Variants in GPHN observed in about 807,000 individuals in gnomAD.
The protein encoded by GPHN is gephyrin.
In GPHN, 17 loss-of-function variants were observed where a neutral mutation model predicts 95.5. The ratio of observed to expected loss-of-function variants is 0.18; its 90% CI spans 0.12 to 0.27. The LOEUF (loss-of-function observed/expected upper bound fraction) is 0.27, where lower values mean the gene tolerates loss of function less well. Among genes scored for constraint, GPHN ranks in the 10% least tolerant of loss-of-function variants. GPHN has a pLI of 1.00. For synonymous variants in GPHN, 320 were observed against 322.5 expected (o/e 0.99, Z 0.08); for missense variants, 660 against 978.1 (o/e 0.67, Z 4.34).
At chr14:66,861,052 T>A (rs1416413985) in intron 4 of GPHN, among the ~76,000 whole-genome samples, 1 of 151,950 alleles carries the variant, frequency 6.6e-6, no homozygotes, top group East Asian at 1.9e-4. Flanking sequence ...TAACATTGAA[T>A]TATAAATGGA....
chr14:67,339,317 A>T, the GPHN span, among the ~76,000 whole-genome samples: 1 of 152,098 alleles, frequency 6.6e-6, no homozygotes, highest in African/African-American at 2.4e-5. Context: ...TATTAGGTTA[A>T]ATTTTGAAAT....
the GPHN span, chr14:67,585,782 C>T: frequency 1.0e-6 from 1 of 995,242 alleles, no homozygotes; most frequent in Admixed American, 2.3e-5. Flanking sequence ...TGCCCAAGCA[C>T]CAGTCCTCTA....
chr14:67,694,569 C>A, the GPHN span, among the ~76,000 whole-genome samples: 1 of 144,040 alleles, frequency 6.9e-6, no homozygotes. Context: ...ATTTTCAGTT[C>A]TGGTTCAACT....
At chr14:67,529,593 G>A in the GPHN span, among the ~76,000 whole-genome samples, 1 of 152,040 alleles carries the variant, frequency 6.6e-6, no homozygotes, top group Non-Finnish European at 1.5e-5. Flanking sequence ...TTTAGCCACT[G>A]GGCCATTTCC....
At chr14:66,621,198 A>T (rs1214718004) in intron 1 of GPHN, among the ~76,000 whole-genome samples, 2 of 145,772 alleles carry the variant, frequency 1.4e-5, no homozygotes, top group Non-Finnish European at 3.0e-5. Flanking sequence ...GGTGGTCTCG[A>T]TTTCCTGACC....
intron 9 of GPHN, chr14:66,996,159 TC>T (rs1398869841): frequency 1.3e-6 from 2 of 1,524,098 alleles, no homozygotes; most frequent in South Asian, 1.2e-5. Flanking sequence ...TGTTTTCTTT[TC>T]CCCACTGCAA....
chr14:67,202,889 C>T, the GPHN span, among the ~76,000 whole-genome samples: 1 of 152,122 alleles, frequency 6.6e-6, no homozygotes, highest in Non-Finnish European at 1.5e-5. Flanking sequence ...TTAATGTTTG[C>T]CTTCCCTGGT....
At chr14:67,070,715 A>AAAAAAAAAAAAAAATATATATATAT in intron 11 of GPHN, among the ~76,000 whole-genome samples, 20 of 80,668 alleles carry the variant, frequency 2.5e-4, no homozygotes, top group African/African-American at 6.3e-4. Flanking sequence ...AAAAAAAAAA[A>AAAAAAAAAAAAAAATATATATATAT]ATATATATAT....
chr14:67,040,487 T>C (rs1376116107), intron 10 of GPHN, among the ~76,000 whole-genome samples: 1 of 152,192 alleles, frequency 6.6e-6, no homozygotes, highest in Non-Finnish European at 1.5e-5. Context: ...AATACTATTA[T>C]GTAATCTTAT....
At chr14:67,730,352 T>G in the GPHN span, among the ~76,000 whole-genome samples, 2 of 152,170 alleles carry the variant, frequency 1.3e-5, no homozygotes, top group African/African-American at 2.4e-5. Flanking sequence ...TAGTCCAGAT[T>G]GAGATGCACT....
At chr14:67,465,986 G>T in the GPHN span, among the ~76,000 whole-genome samples, 1 of 152,182 alleles carries the variant, frequency 6.6e-6, no homozygotes, top group East Asian at 1.9e-4. Flanking sequence ...CTCCCCTAAA[G>T]CCTCAGAGGA....
At chr14:66,809,528 C>T (rs961744595) in intron 3 of GPHN, among the ~76,000 whole-genome samples, 1 of 152,082 alleles carries the variant, frequency 6.6e-6, no homozygotes, top group Non-Finnish European at 1.5e-5. Context: ...TTCACTTAGA[C>T]AGCTTCTTAA....
At chr14:67,293,073 G>A in the GPHN span, among the ~76,000 whole-genome samples, 1 of 152,142 alleles carries the variant, frequency 6.6e-6, no homozygotes, top group East Asian at 1.9e-4. Context: ...ATACTGATGA[G>A]ATAATTATAA....
intron 1 of GPHN, among the ~76,000 whole-genome samples, chr14:66,659,949 T>A (rs994151421): frequency 6.6e-6 from 1 of 152,100 alleles, no homozygotes; most frequent in East Asian, 1.9e-4. Context: ...CCCACTGTAT[T>A]TCTTGTATTT....
At chr14:66,883,949 G>T (rs183901052) in intron 5 of GPHN, among the ~76,000 whole-genome samples, 55 of 152,140 alleles carry the variant, frequency 3.6e-4, no homozygotes, top group Non-Finnish European at 5.7e-4. Context: ...TTCTTTTCAA[G>T]AATTTTCCCC....
At chr14:67,182,662 G>C (rs557693465), downstream of GPHN, among the ~76,000 whole-genome samples, 35 of 152,156 alleles carry the variant, frequency 2.3e-4, no homozygotes, top group South Asian at 5.0e-3. Context: ...ATAGGGCAGA[G>C]CACCTGACCT....
At chr14:67,249,594 A>G in the GPHN span, among the ~76,000 whole-genome samples, 2 of 152,242 alleles carry the variant, frequency 1.3e-5, no homozygotes, top group African/African-American at 2.4e-5. Flanking sequence ...AGTATATCTA[A>G]TAAGTTCAAA....
chr14:66,980,116 AG>A (rs1293837952), intron 9 of GPHN, among the ~76,000 whole-genome samples: 1 of 152,234 alleles, frequency 6.6e-6, no homozygotes, highest in African/African-American at 2.4e-5. Context: ...CATAGTAAAA[AG>A]TTTGAAATAT....
the GPHN span, among the ~76,000 whole-genome samples, chr14:67,537,275 C>T: frequency 0.037 from 5,478 of 147,126 alleles, 167 homozygotes; most frequent in Middle Eastern, 0.1. Flanking sequence ...ACCCGGGAGG[C>T]GGAGGTTGCA....
Sources: allele counts gnomAD v4.1 joint callset (sites outside exome capture counted in the v4.1 genomes callset), GRCh38; gene constraint gnomAD v4.1.1; transcripts MANE v1.5; gene names NCBI Gene and HGNC (gene_info 2026-07-23, HGNC 2026-07-21).